LRIF1: variants seen among roughly 807,000 people sequenced by gnomAD.
The protein encoded by LRIF1 is ligand-dependent nuclear receptor-interacting factor 1.
LRIF1 carries 32 observed loss-of-function variants against 52.7 expected under a neutral mutation model. That is an observed-to-expected ratio of 0.61 (90% CI 0.46 to 0.82). LRIF1 has a LOEUF of 0.82. Ranked by LOEUF, LRIF1 falls within the 40% of genes least tolerant of loss-of-function variation. The pLI is 0.00. For missense variants in LRIF1, 887 were observed against 892.0 expected (o/e 0.99, Z 0.07); for synonymous variants, 323 against 317.4 (o/e 1.02, Z -0.19).
the LRIF1 span, chr1:110,936,992 AG>A: frequency 6.6e-6 from 1 of 152,174 alleles, no homozygotes; most frequent in African/African-American, 2.4e-5. Context: ...GAGACAAGGA[AG>A]GTCATTCTAT....
chr1:110,877,787 T>C, the LRIF1 span, among the ~76,000 whole-genome samples: 1 of 152,176 alleles, frequency 6.6e-6, no homozygotes, highest in Admixed American at 6.5e-5. Context: ...CACGAATACA[T>C]GAGAGTTGAT....
chr1:110,909,967 C>A, the LRIF1 span, among the ~76,000 whole-genome samples: 1 of 152,006 alleles, frequency 6.6e-6, no homozygotes, highest in African/African-American at 2.4e-5. Flanking sequence ...GGGTTCAATT[C>A]AACAAGAAGA....
At chr1:110,911,837 C>T in the LRIF1 span, among the ~76,000 whole-genome samples, 1 of 152,092 alleles carries the variant, frequency 6.6e-6, no homozygotes, top group Non-Finnish European at 1.5e-5. Flanking sequence ...AAAAAACTAG[C>T]CAATGAGGGA....
At chr1:110,949,762 T>A in intron 3 of LRIF1, 89 bp downstream of exon 3, 1 of 1,336,170 alleles carries the variant, frequency 7.5e-7, no homozygotes, top group Non-Finnish European at 1.0e-6. Flanking sequence ...TTTATACTAA[T>A]GCACAAGGGT....
chr1:110,907,430 C>T, the LRIF1 span, among the ~76,000 whole-genome samples: 4,603 of 152,210 alleles, frequency 0.03, 85 homozygotes, highest in African/African-American at 0.058. Context: ...GGGCATCTTG[C>T]TCCAACTTCC....
chr1:110,947,185 G>A (rs1291531434), downstream of LRIF1: 1 of 151,248 alleles, frequency 6.6e-6, no homozygotes, highest in African/African-American at 2.4e-5. Context: ...ACCAGACAGA[G>A]AAAATACACT....
the LRIF1 span, among the ~76,000 whole-genome samples, chr1:110,884,898 A>G: frequency 5.3e-5 from 8 of 151,632 alleles, no homozygotes; most frequent in Non-Finnish European, 1.2e-4. Context: ...CAATCCATCT[A>G]TTTATTCCTG....
intron 1 of LRIF1, among the ~76,000 whole-genome samples, chr1:110,962,869 T>C (rs1050811702): frequency 6.6e-6 from 1 of 152,184 alleles, no homozygotes; most frequent in Admixed American, 6.5e-5. Context: ...GAAAATATTC[T>C]GCTTTAGCTA....
the LRIF1 span, among the ~76,000 whole-genome samples, chr1:110,915,431 T>G: frequency 6.6e-6 from 1 of 152,122 alleles, no homozygotes; most frequent in Non-Finnish European, 1.5e-5. Flanking sequence ...GAGTTTGCAG[T>G]GAGCCGAGAT....
rs778113532 is a variant in LRIF1 at position 110,951,871 on chromosome 1, C to T, written c.1013G>A (p.Ser338Asn). The change falls in exon 2 of 4, where the codon AGT (serine) becomes AAT (asparagine). Residue 338 changes from serine to asparagine, a missense_variant. Coordinates refer to ENST00000369763, the MANE Select transcript of LRIF1 (RefSeq NM_018372.4). The part of the protein sequence containing the change: ...GDNTINMPPL[S>N]TIDPSGTRSK... Reference sequence around the variant, plus strand: ...TCGCGTCCCACTAGGATCGATGGTACTCAATGGTGGCATATTTATAGTATT... The same window carrying T: ...TCGCGTCCCACTAGGATCGATGGTATTCAATGGTGGCATATTTATAGTATT... 3.1e-6 allele frequency: 5 copies of T among 1,613,728 alleles called. No individual in the cohort carries two copies. The highest frequency in any genetic ancestry group is 1.7e-5 in the Admixed American group (1 of 60,020).
At chr1:110,908,829 C>T in the LRIF1 span, among the ~76,000 whole-genome samples, 6 of 152,248 alleles carry the variant, frequency 3.9e-5, no homozygotes, top group South Asian at 2.1e-4. Flanking sequence ...ATATTGTCCA[C>T]GAAAATTTTC....
At chr1:110,958,629 A>C (rs936316258) in intron 1 of LRIF1, among the ~76,000 whole-genome samples, 1 of 152,156 alleles carries the variant, frequency 6.6e-6, no homozygotes, top group Non-Finnish European at 1.5e-5. Flanking sequence ...CTGATCACTA[A>C]ATTTTTCCCT....
chr1:110,951,171 T>G, intron 2 of LRIF1, 117 bp downstream of exon 2: 1 of 805,982 alleles, frequency 1.2e-6, no homozygotes, highest in Non-Finnish European at 1.9e-6. Flanking sequence ...GTGTATAGTC[T>G]GTGTGTGATG....
At chr1:110,956,304 A>T (rs1404473223) in intron 1 of LRIF1, among the ~76,000 whole-genome samples, 1 of 152,206 alleles carries the variant, frequency 6.6e-6, no homozygotes, top group Non-Finnish European at 1.5e-5. Flanking sequence ...AAGCACAGAT[A>T]AAGAGAAAGC....
intron 1 of LRIF1, among the ~76,000 whole-genome samples, chr1:110,962,330 A>C (rs1478664879): frequency 6.6e-6 from 1 of 152,172 alleles, no homozygotes; most frequent in Non-Finnish European, 1.5e-5. Flanking sequence ...AAAACACACA[A>C]GTACACCAAA....
At chr1:110,886,869 A>ATATATATATATATATTTTTTT in the LRIF1 span, among the ~76,000 whole-genome samples, 4 of 82,800 alleles carry the variant, frequency 4.8e-5, no homozygotes, top group Non-Finnish European at 6.7e-5. Flanking sequence ...ATATATATAT[A>ATATATATATATATATTTTTTT]TTTTTTTTTT....
the LRIF1 span, among the ~76,000 whole-genome samples, chr1:110,875,367 T>A: frequency 6.6e-6 from 1 of 152,176 alleles, no homozygotes. Flanking sequence ...CCCACCATGT[T>A]CACACGACAG....
At chr1:110,901,639 C>A in the LRIF1 span, among the ~76,000 whole-genome samples, 1 of 151,984 alleles carries the variant, frequency 6.6e-6, no homozygotes, top group Non-Finnish European at 1.5e-5. Context: ...CCAAGCCTGG[C>A]TAATCTTTGT....
chr1:110,961,305 G>C (rs1344993806), intron 1 of LRIF1, among the ~76,000 whole-genome samples: 1 of 152,176 alleles, frequency 6.6e-6, no homozygotes, highest in Non-Finnish European at 1.5e-5. Context: ...CTATCACATA[G>C]ATAGTAGGCA....
Sources: allele counts gnomAD v4.1 joint callset (sites outside exome capture counted in the v4.1 genomes callset), GRCh38; gene constraint gnomAD v4.1.1; transcripts MANE v1.5; gene names NCBI Gene and HGNC (gene_info 2026-07-23, HGNC 2026-07-21).